The following FUBP3 variants were observed in gnomAD, a reference collection of about 807,000 sequenced individuals.
The protein encoded by FUBP3 is far upstream element binding protein 3, also known as far upstream element-binding protein 3.
In FUBP3, 28 loss-of-function variants were observed where a neutral mutation model predicts 85.6. That is an observed-to-expected ratio of 0.33 (90% CI 0.24 to 0.45). The LOEUF is 0.45. FUBP3 is among the 20% of genes least tolerant of loss of function. The pLI, the probability that FUBP3 is intolerant of heterozygous loss-of-function variation, is 1.00. For synonymous variants in FUBP3, 271 were observed against 271.4 expected, an observed-to-expected ratio of 1.00 and a Z score of 0.01; for missense variants, 583 against 755.1, an observed-to-expected ratio of 0.77 and a Z score of 2.67.
At chr9:130,634,405 G>A (rs113862061) in intron 16 of FUBP3, among the ~76,000 whole-genome samples, 290 of 152,370 alleles carry the variant, frequency 1.9e-3, no homozygotes, top group Admixed American at 3.6e-3. Context: ...GGCTGTGGCC[G>A]TCAAGCTTGC....
At chr9:130,592,507 A>C (rs1830670745) in intron 1 of FUBP3, among the ~76,000 whole-genome samples, 1 of 151,870 alleles carries the variant, frequency 6.6e-6, no homozygotes, top group South Asian at 2.1e-4. Context: ...CCTTCTTCCT[A>C]TCTTGTCTCC....
In FUBP3 at chr9:130,632,032, C is replaced by T; in HGVS notation, c.1433+10C>T. 1.3e-6 allele frequency: 2 copies of T among 1,598,720 alleles called. No homozygotes were observed. Among genetic ancestry groups the T allele is most frequent in the Non-Finnish European group, 8.6e-7 (1 of 1,165,936 alleles). On this transcript the variant is annotated intron_variant, in intron 15 of 18. Coordinates refer to ENST00000319725, the MANE Select transcript of FUBP3 (RefSeq NM_003934.2). ...ACAGCACCCCTGTGAGGTAGGTGAC[C>T]TGCTGTGACTCAGTTGGGGACAGAC...
intron 1 of FUBP3, among the ~76,000 whole-genome samples, chr9:130,593,674 C>T (rs528516413): frequency 6.6e-6 from 1 of 152,164 alleles, no homozygotes; most frequent in African/African-American, 2.4e-5. Context: ...AGGTGTGAGA[C>T]TTCTGGGAAC....
chr9:130,630,601 C>A, intron 12 of FUBP3, 27 bp from the exon 13 acceptor site: 1 of 1,556,654 alleles, frequency 6.4e-7, no homozygotes, highest in Non-Finnish European at 8.7e-7. Flanking sequence ...TCTGCTTACT[C>A]TTCTGCCTGT....
At chr9:130,590,056 G>A (rs1285687122) in intron 1 of FUBP3, among the ~76,000 whole-genome samples, 1 of 71,994 alleles carries the variant, frequency 1.4e-5, no homozygotes, top group South Asian at 5.1e-4. Flanking sequence ...TTTTTTGCCT[G>A]TGACATACCC....
intron 9 of FUBP3, among the ~76,000 whole-genome samples, chr9:130,622,343 GTGTCC>G (rs1829791545): frequency 8.0e-6 from 1 of 124,568 alleles, no homozygotes; most frequent in Admixed American, 8.1e-5. Context: ...AAAAAAAAAA[GTGTCC>G]TGGCCAGACA....
chr9:130,589,706 T>TATATATATATATATATA (rs71499252), intron 1 of FUBP3, among the ~76,000 whole-genome samples: 6 of 40,084 alleles, frequency 1.5e-4, no homozygotes, highest in Admixed American at 6.1e-4. Context: ...TATATATATA[T>TATATATATATATATATA]TTTTTTTTTT....
At chr9:130,633,699 C>T (rs1436408176) in intron 16 of FUBP3, among the ~76,000 whole-genome samples, 1 of 152,246 alleles carries the variant, frequency 6.6e-6, no homozygotes, top group Non-Finnish European at 1.5e-5. Flanking sequence ...CCCTCCGCGT[C>T]CGAGGGAAGA....
intron 1 of FUBP3, among the ~76,000 whole-genome samples, chr9:130,580,299 A>G (rs1830079953): frequency 1.3e-5 from 2 of 152,096 alleles, no homozygotes; most frequent in South Asian, 4.1e-4. Flanking sequence ...AGATGTAGAA[A>G]TTTCTCATGG....
At chr9:130,582,028 A>G (rs1462066246) in intron 1 of FUBP3, 18 of 152,368 alleles carry the variant, frequency 1.2e-4, no homozygotes, top group Admixed American at 1.2e-3. Context: ...TGAGCATGGT[A>G]TTCTTAGATT....
chr9:130,626,143 T>C (rs1238505582), intron 11 of FUBP3, among the ~76,000 whole-genome samples: 1 of 152,202 alleles, frequency 6.6e-6, no homozygotes, highest in African/African-American at 2.4e-5. Flanking sequence ...GCTGTTTATG[T>C]AACCACGTGT....
rs928392292 is a variant in FUBP3 at position 130,631,141 on chromosome 9, T to G, written c.1278+353T>G. 10 of 1,151,188 alleles carry G rather than the reference T, an allele frequency of 8.7e-6. No individual in the cohort carries two copies. The African/African-American group carries it at 1.6e-4, about 18-fold the overall frequency. The allele number at this position is 1,151,188 out of a possible 1,614,324, so 71.3% of individuals were successfully genotyped here. ...CTGGCGGCCAGCCCAGCAGGCAGCT[T>G]TCATTGACTCTGGCTTTAGTTTCAG... On this transcript the variant is annotated intron_variant, in intron 13 of 18. Transcript: ENST00000319725.
intron 8 of FUBP3, 57 bp from the exon 9 acceptor site, chr9:130,620,297 G>A: frequency 1.0e-6 from 1 of 997,998 alleles, no homozygotes; most frequent in South Asian, 1.6e-5. Context: ...TTCACCTGGT[G>A]ATGTATCTTT....
Position 130,616,305 on chromosome 9 carries a change from A to T in FUBP3, c.405-50A>T. 6.3e-7 allele frequency: 1 copy of T among 1,582,858 alleles called. No homozygotes were observed. The highest frequency in any genetic ancestry group is 8.7e-7 in the Non-Finnish European group (1 of 1,153,214). ...TGCTATTTCCCTGTCTTGCACACTTAGAGCCTCCATTTAATGCTGGTTCTC... is the reference window on the plus strand; with the variant it reads ...TGCTATTTCCCTGTCTTGCACACTTTGAGCCTCCATTTAATGCTGGTTCTC... On this transcript the variant is annotated intron_variant, in intron 6 of 18. Transcript: ENST00000319725. This position sits in a 1 kb window ranked among gnomAD's most constrained non-coding sequence, Gnocchi z 4.7.
intron 2 of FUBP3, among the ~76,000 whole-genome samples, chr9:130,597,132 A>G (rs113295748): frequency 0.013 from 2,007 of 152,064 alleles, 44 homozygotes; most frequent in African/African-American, 0.045. Flanking sequence ...ATATTGCATA[A>G]ATAAGTGAGA....
In FUBP3 at chr9:130,616,219, T is replaced by TGGGGGC. The variant is rs1832001144; in HGVS notation, c.405-135_405-130dup. 1.3e-6 allele frequency: 1 copy of TGGGGGC among 744,216 alleles called. No individual in the cohort carries two copies. The highest frequency in any genetic ancestry group is 2.2e-6 in the Non-Finnish European group (1 of 449,348). The allele number at this position is 744,216 out of a possible 1,614,324, so 46.1% of individuals were successfully genotyped here. ...GGATGGCAGAGAGACCTCCGGGTTG[T>TGGGGGC]GGGGGCAGGAGCTGGAGCTGGATGG... On this transcript the variant is annotated intron_variant, in intron 6 of 18. Coordinates refer to ENST00000319725, the MANE Select transcript of FUBP3 (RefSeq NM_003934.2). This position sits in a 1 kb window ranked among gnomAD's most constrained non-coding sequence, Gnocchi z 4.7.
intron 1 of FUBP3, among the ~76,000 whole-genome samples, chr9:130,589,673 GTGTA>G (rs1175790614): frequency 1.3e-3 from 36 of 28,338 alleles, no homozygotes; most frequent in African/African-American, 4.6e-3. Context: ...ATGTATGTGT[GTGTA>G]TATATATATA....
rs1338723257 is a variant in FUBP3, at chr9:130,631,884, G to A, written c.1353-58G>A. 5 of 1,286,876 alleles carry A rather than the reference G, an allele frequency of 3.9e-6. No individual in the cohort carries two copies. The African/African-American group carries it at 4.4e-5, about 11-fold the overall frequency. 79.7% of individuals were successfully genotyped at this position (1,286,876 alleles called of 1,614,324 possible). ...CCTCAGTGCCCTGGGGCTGCGGGGA[G>A]GGGACGAGCCCTCTGTTGTGAGGCG... On this transcript the variant is annotated intron_variant, in intron 14 of 18. Coordinates refer to ENST00000319725, the MANE Select transcript of FUBP3 (RefSeq NM_003934.2).
intron 14 of FUBP3, 119 bp downstream of exon 14, chr9:130,631,749 G>A (rs573467027): frequency 1.1e-6 from 1 of 891,110 alleles, no homozygotes; most frequent in African/African-American, 1.6e-5. Flanking sequence ...GCGTGGGCAG[G>A]ACTCGTTTCT....
Sources: gnomAD v4.1 joint callset for allele counts (sites outside exome capture counted in the v4.1 genomes callset) on GRCh38, gnomAD v4.1.1 for gene constraint, Gnocchi (gnomAD v3.1) non-coding constraint, MANE v1.5 for transcripts, NCBI Gene and HGNC (gene_info 2026-07-23, HGNC 2026-07-21) for gene names.